Variants in DNAJA4 observed in about 807,000 individuals in gnomAD.
The protein encoded by DNAJA4 is DnaJ heat shock protein family (Hsp40) member A4.
DNAJA4 carries 32 observed loss-of-function variants against 39.7 expected under a neutral mutation model. The observed-to-expected ratio is 0.81, with a 90% CI of 0.61 to 1.08. The LOEUF (loss-of-function observed/expected upper bound fraction) is 1.08. DNAJA4 is among the 50% of genes least tolerant of loss of function. The pLI is 0.00. For synonymous variants in DNAJA4, 184 were observed against 182.4 expected, an observed-to-expected ratio of 1.01 and a Z score of -0.07; for missense variants, 439 against 505.1, an observed-to-expected ratio of 0.87 and a Z score of 1.25.
At chr15:78,266,651 C>T (rs1445772490) in intron 1 of DNAJA4, among the ~76,000 whole-genome samples, 1 of 152,212 alleles carries the variant, frequency 6.6e-6, no homozygotes, top group African/African-American at 2.4e-5. Flanking sequence ...GCCTCTGCCT[C>T]ATAGACTGAA....
rs149346134 is a variant in DNAJA4, at chr15:78,264,793, C to G, written c.30C>G (p.Ile10Met). The G allele has an allele frequency of 6.2e-7, 1 of 1,609,314 alleles. No individual in the cohort carries two copies. The highest frequency in any genetic ancestry group is 2.2e-5 in the East Asian group (1 of 44,626). ...TGAAGGAGACCCAGTACTATGACAT[C>G]CTGGGCGTGAAGCCCAGCGCGTCCC... MVKETQYYD[I>M]LGVKPSASPE... is the part of the protein sequence containing the mutation. The change falls in exon 1 of 7, where the codon ATC becomes ATG. Residue 10 changes from isoleucine to methionine, a missense_variant. Ile to Met is a conservative substitution (Grantham distance 10). Coordinates refer to ENST00000394852, the MANE Select transcript of DNAJA4 (RefSeq NM_001130182.2).
At chr15:78,269,724 G>A (rs1173286913) in intron 1 of DNAJA4, among the ~76,000 whole-genome samples, 3 of 150,652 alleles carry the variant, frequency 2.0e-5, no homozygotes, top group African/African-American at 7.4e-5. Context: ...TTTCTCCCCT[G>A]TGCAGGATCT....
chr15:78,265,370 A>G, intron 1 of DNAJA4: 2 of 657,430 alleles, frequency 3.0e-6, no homozygotes, highest in Non-Finnish European at 5.5e-6. Flanking sequence ...GGTACCTTGG[A>G]CAAACGCCGT....
intron 4 of DNAJA4, chr15:78,275,240 G>A (rs2049419120): frequency 2.1e-6 from 1 of 477,524 alleles, no homozygotes. Context: ...GGCAGGGAGT[G>A]CTGTGTAAAC....
intron 5 of DNAJA4, among the ~76,000 whole-genome samples, chr15:78,276,623 G>A (rs550324705): frequency 2.3e-4 from 35 of 152,386 alleles, no homozygotes; most frequent in Non-Finnish European, 4.8e-4. Flanking sequence ...CTGGATGGGT[G>A]TGGTGGCGGC....
chr15:78,266,534 G>A (rs1379890852), intron 1 of DNAJA4, among the ~76,000 whole-genome samples: 1 of 152,142 alleles, frequency 6.6e-6, no homozygotes, highest in Non-Finnish European at 1.5e-5. Context: ...CAGCTTGGAG[G>A]GAAGGGTTCT....
intron 4 of DNAJA4, 78 bp downstream of exon 4, chr15:78,274,502 A>G (rs772052332): frequency 2.7e-5 from 35 of 1,288,684 alleles, no homozygotes; most frequent in African/African-American, 5.8e-5. Flanking sequence ...CACAGACTAG[A>G]TGTCAGGGAA....
At chr15:78,272,847 G>C (rs2049338778) in intron 2 of DNAJA4, among the ~76,000 whole-genome samples, 1 of 152,198 alleles carries the variant, frequency 6.6e-6, no homozygotes, top group Non-Finnish European at 1.5e-5. Context: ...AAGTCTTTTT[G>C]TTGGCCTCTA....
chr15:78,275,285 GCATGCTGGGCTTGGCCCCA>G (rs1308296815), intron 4 of DNAJA4, 194 bp from the exon 5 acceptor site: 13 of 563,068 alleles, frequency 2.3e-5, no homozygotes, highest in Non-Finnish European at 4.1e-5. Flanking sequence ...CACTCCCTGT[GCATGCTGGGCTTGGCCCCA>G]CATTATGCCA....
chr15:78,274,656 C>T (rs2049397908), intron 4 of DNAJA4: 3 of 556,256 alleles, frequency 5.4e-6, no homozygotes. Flanking sequence ...AGATCACAGA[C>T]AGCCTCTTTA....
At chr15:78,273,402 C>A (rs1214956388) in intron 3 of DNAJA4, among the ~76,000 whole-genome samples, 1 of 152,228 alleles carries the variant, frequency 6.6e-6, no homozygotes, top group Non-Finnish European at 1.5e-5. Flanking sequence ...GACATGTTGA[C>A]AATTATTTCT....
chr15:78,265,062 C>T (rs1460637462), intron 1 of DNAJA4, among the ~76,000 whole-genome samples, 167 bp downstream of exon 1: 2 of 152,122 alleles, frequency 1.3e-5, no homozygotes, highest in Non-Finnish European at 2.9e-5. Context: ...GGGCGCCGTG[C>T]GGCGCGGTCG....
At chr15:78,274,145 C>A (rs1258454938) in intron 3 of DNAJA4, 52 bp from the exon 4 acceptor site, 1 of 1,553,810 alleles carries the variant, frequency 6.4e-7, no homozygotes, top group African/African-American at 1.4e-5. Context: ...CCAGCAGGGA[C>A]ACTGGTAAGG....
At chr15:78,278,574 G>A (rs891286501) in intron 5 of DNAJA4, among the ~76,000 whole-genome samples, 1 of 152,218 alleles carries the variant, frequency 6.6e-6, no homozygotes, top group African/African-American at 2.4e-5. Flanking sequence ...TAGGAAAGGT[G>A]CAGTAAAAGT....
chr15:78,269,318 A>T (rs988721110), intron 1 of DNAJA4, among the ~76,000 whole-genome samples: 1 of 152,202 alleles, frequency 6.6e-6, no homozygotes, highest in Non-Finnish European at 1.5e-5. Context: ...CAGGCCTGAG[A>T]TGGTGCCTTC....
intron 5 of DNAJA4, chr15:78,278,209 T>G (rs746049449): frequency 6.6e-6 from 3 of 455,954 alleles, no homozygotes; most frequent in Non-Finnish European, 1.3e-5. Flanking sequence ...TTCTCTTACC[T>G]GTAGTTTTCC....
At chr15:78,267,732 G>T (rs1417984428) in intron 1 of DNAJA4, among the ~76,000 whole-genome samples, 3 of 152,192 alleles carry the variant, frequency 2.0e-5, no homozygotes, top group Non-Finnish European at 4.4e-5. Flanking sequence ...TAACCACTCT[G>T]TGCTTCTTTC....
rs1010945684 is a variant in DNAJA4, at chr15:78,280,705, A to G, written c.*245A>G. 2.4e-5 allele frequency: 10 copies of G among 416,740 alleles called. No homozygotes were observed. The highest frequency in any genetic ancestry group is 4.1e-5 in the Admixed American group (1 of 24,378). The allele number at this position is 416,740 out of a possible 1,614,324, so 25.8% of individuals were successfully genotyped here. On this transcript the variant is annotated 3_prime_UTR_variant, in exon 7 of 7. Transcript: ENST00000394852. ...CTGCATATGGAATCTGTTCATTTCT[A>G]TTTTCAGGATATACTTTTGAGATGT...
rs762369904 is a variant in DNAJA4, at chr15:78,280,412, G to A, written c.1146G>A (p.Glu382=). ...GGCGTCAGCACAGGGAGGCCTACGA[G>A]GAGGACGAAGACGGGCCCCAGGCTG... ...QNWRQHREAY[E]EDEDGPQAGV... The change falls in exon 7 of 7, where the codon GAG becomes GAA. Residue 382 remains glutamate (E), a synonymous_variant. Coordinates refer to ENST00000394852, the MANE Select transcript of DNAJA4 (RefSeq NM_001130182.2). 1 of 1,613,878 alleles carries A rather than the reference G, an allele frequency of 6.2e-7. No individual in the cohort carries two copies. Among genetic ancestry groups the A allele is most frequent in the South Asian group, 1.1e-5 (1 of 91,056 alleles).
Sources: allele counts gnomAD v4.1 joint callset (sites outside exome capture counted in the v4.1 genomes callset), GRCh38; gene constraint gnomAD v4.1.1; transcripts MANE v1.5; gene names NCBI Gene and HGNC (gene_info 2026-07-23, HGNC 2026-07-21).